The following RBFOX1 variants were observed in gnomAD, a reference collection of about 807,000 sequenced individuals.
RBFOX1 encodes RNA binding fox-1 homolog 1.
Under a neutral mutation model 57.7 loss-of-function variants are expected in RBFOX1, and 8 were observed. The ratio of observed to expected loss-of-function variants is 0.14; its 90% confidence interval spans 0.08 to 0.25. The LOEUF is 0.25. Ranked by LOEUF, RBFOX1 falls within the 10% of genes least tolerant of loss-of-function variation. RBFOX1 has a pLI of 1.00. For synonymous variants in RBFOX1, 326 were observed against 222.4 expected, an observed-to-expected ratio of 1.47 and a Z score of -4.15; for missense variants, 611 against 548.5, an observed-to-expected ratio of 1.11 and a Z score of -1.14.
intron 1 of RBFOX1, among the ~76,000 whole-genome samples, chr16:5,451,106 T>G (rs966854894): frequency 2.6e-5 from 4 of 152,212 alleles, no homozygotes; most frequent in Admixed American, 2.0e-4. Flanking sequence ...ATTGAGTCCC[T>G]GAACCACAGC....
At chr16:7,004,795 C>T (rs771276261) in intron 3 of RBFOX1, among the ~76,000 whole-genome samples, 5 of 152,118 alleles carry the variant, frequency 3.3e-5, no homozygotes, top group African/African-American at 7.2e-5. Flanking sequence ...ACCTAATCCA[C>T]GTGTCTCTAT....
intron 4 of RBFOX1, among the ~76,000 whole-genome samples, chr16:7,464,674 C>A (rs2060171652): frequency 2.3e-5 from 3 of 133,212 alleles, no homozygotes; most frequent in East Asian, 4.6e-4. Context: ...CGAAATACTT[C>A]TTGTATTGTC....
intron 4 of RBFOX1, among the ~76,000 whole-genome samples, chr16:7,479,946 A>G (rs1444640950): frequency 6.6e-6 from 1 of 152,178 alleles, no homozygotes; most frequent in Non-Finnish European, 1.5e-5. Flanking sequence ...TTAAATTCCT[A>G]GGAAAAGGCA....
intron 3 of RBFOX1, among the ~76,000 whole-genome samples, chr16:5,639,457 C>G (rs1231464784): frequency 1.3e-5 from 2 of 152,112 alleles, no homozygotes; most frequent in Non-Finnish European, 2.9e-5. Context: ...ATCAAGACTT[C>G]TTTTGGAAAG....
At chr16:5,815,995 C>A (rs79997438) in intron 3 of RBFOX1, among the ~76,000 whole-genome samples, 2,214 of 152,272 alleles carry the variant, frequency 0.015, 62 homozygotes, top group African/African-American at 0.051. Flanking sequence ...AGGTATACAA[C>A]CCTTGGGATT....
chr16:6,748,692 A>G (rs2074300123), intron 3 of RBFOX1, among the ~76,000 whole-genome samples: 1 of 152,148 alleles, frequency 6.6e-6, no homozygotes, highest in South Asian at 2.1e-4. Context: ...AGTATATAGA[A>G]TTTGAACTTG....
intron 1 of RBFOX1, among the ~76,000 whole-genome samples, chr16:6,226,452 G>T (rs144506668): frequency 1.8e-4 from 27 of 151,070 alleles, no homozygotes; most frequent in African/African-American, 6.1e-4. Flanking sequence ...TGTCTTTCCT[G>T]TGGCACAGGT....
At chr16:5,630,586 T>A (rs992409846) in intron 3 of RBFOX1, among the ~76,000 whole-genome samples, 2 of 151,788 alleles carry the variant, frequency 1.3e-5, no homozygotes, top group African/African-American at 4.8e-5. Flanking sequence ...CACTGGCGGG[T>A]GGCTTTCATG....
At chr16:7,024,172 A>G (rs753695114) in intron 3 of RBFOX1, among the ~76,000 whole-genome samples, 17 of 152,322 alleles carry the variant, frequency 1.1e-4, no homozygotes, top group Non-Finnish European at 1.5e-4. Context: ...TCTAGTAATC[A>G]TTTAATAAAT....
intron 3 of RBFOX1, among the ~76,000 whole-genome samples, chr16:6,887,199 T>C (rs1362118866): frequency 6.6e-6 from 1 of 152,222 alleles, no homozygotes; most frequent in Non-Finnish European, 1.5e-5. Flanking sequence ...CTTCCTCCTC[T>C]ATCTCTAATT....
intron 2 of RBFOX1, among the ~76,000 whole-genome samples, chr16:6,532,834 A>G (rs2096678294): frequency 6.6e-6 from 1 of 152,164 alleles, no homozygotes; most frequent in Non-Finnish European, 1.5e-5. Context: ...GAATGTGAGA[A>G]GGCAAAGATC....
intron 3 of RBFOX1, among the ~76,000 whole-genome samples, chr16:5,723,766 G>A (rs1341025632): frequency 6.6e-6 from 1 of 152,346 alleles, no homozygotes; most frequent in South Asian, 2.1e-4. Context: ...AGGTTGAGTA[G>A]CCAGCCCACA....
At chr16:6,816,676 CT>C (rs1227220044) in intron 3 of RBFOX1, among the ~76,000 whole-genome samples, 3 of 147,608 alleles carry the variant, frequency 2.0e-5, no homozygotes, top group African/African-American at 5.0e-5. Flanking sequence ...GGAGGTGGAG[CT>C]TGCAGTGAGC....
intron 5 of RBFOX1, among the ~76,000 whole-genome samples, chr16:7,562,184 G>C (rs2152687208): frequency 6.6e-6 from 1 of 152,310 alleles, no homozygotes; most frequent in South Asian, 2.1e-4. Flanking sequence ...CCCAAAATTA[G>C]TTGGGTGCGG....
chr16:7,619,782 T>C (rs1328537588), intron 10 of RBFOX1, among the ~76,000 whole-genome samples: 9 of 152,078 alleles, frequency 5.9e-5, no homozygotes, highest in South Asian at 2.1e-4. Flanking sequence ...TTTTTCCTAA[T>C]CAGAGATTGC....
intron 4 of RBFOX1, among the ~76,000 whole-genome samples, chr16:7,063,428 C>G (rs1354976167): frequency 6.6e-6 from 1 of 152,134 alleles, no homozygotes; most frequent in African/African-American, 2.4e-5. Flanking sequence ...TCTTCCTTCT[C>G]AGAGTACCCT....
At chr16:6,577,054 G>A (rs940797034) in intron 2 of RBFOX1, 2 of 152,150 alleles carry the variant, frequency 1.3e-5, no homozygotes, top group African/African-American at 4.8e-5. Context: ...CCCCAAAACT[G>A]TCTTTGGGAT....
intron 2 of RBFOX1, among the ~76,000 whole-genome samples, chr16:6,394,264 G>T (rs1471677315): frequency 6.6e-6 from 1 of 152,208 alleles, no homozygotes; most frequent in Non-Finnish European, 1.5e-5. Context: ...AAACAAAAGG[G>T]ATAATGCTGA....
chr16:7,440,003 G>C (rs2098753974), intron 4 of RBFOX1, among the ~76,000 whole-genome samples: 1 of 140,726 alleles, frequency 7.1e-6, no homozygotes, highest in South Asian at 2.2e-4. Context: ...TCAGGCTGCA[G>C]TGCAGTGGTG....
Sources: allele counts gnomAD v4.1 joint callset (sites outside exome capture counted in the v4.1 genomes callset), GRCh38; gene constraint gnomAD v4.1.1; transcripts MANE v1.5; gene names NCBI Gene and HGNC (gene_info 2026-07-23, HGNC 2026-07-21).